KLHL4: variants seen among roughly 807,000 people sequenced by gnomAD.
KLHL4 encodes the protein kelch-like protein 4.
KLHL4 carries 17 observed loss-of-function variants against 45.8 expected under a neutral mutation model. The ratio of observed to expected loss-of-function variants is 0.37; its 90% CI spans 0.25 to 0.56. The LOEUF is 0.56. KLHL4 is among the 20% of genes least tolerant of loss of function. KLHL4 has a pLI of 0.79. For missense variants in KLHL4, 544 were observed against 544.9 expected, an observed-to-expected ratio of 1.00 and a Z score of 0.02; for synonymous variants, 224 against 189.9, an observed-to-expected ratio of 1.18 and a Z score of -1.47.
chrX:87,661,840 CT>C (rs1924199994), intron 9 of KLHL4, among the ~76,000 whole-genome samples: 1 of 111,666 alleles, frequency 9.0e-6, no homozygotes, highest in Non-Finnish European at 1.9e-5. Flanking sequence ...TCAGATAGAT[CT>C]GAGTTCAAAC....
chrX:87,652,238 C>A (rs1213357550), intron 9 of KLHL4, among the ~76,000 whole-genome samples: 1 of 112,407 alleles, frequency 8.9e-6, no homozygotes, highest in Non-Finnish European at 1.9e-5. Context: ...ATGGGAGGGG[C>A]TGCAATGAAG....
intron 9 of KLHL4, among the ~76,000 whole-genome samples, chrX:87,656,543 C>CT (rs1359897490): frequency 3.8e-5 from 4 of 105,861 alleles, no homozygotes; most frequent in Non-Finnish European, 5.8e-5. Context: ...CTTTTTTTTT[C>CT]TTTTTTTAAA....
chrX:87,531,056 C>T (rs1465632873), intron 1 of KLHL4, among the ~76,000 whole-genome samples: 30 of 112,144 alleles, frequency 2.7e-4, no homozygotes, highest in Non-Finnish European at 4.7e-4. Flanking sequence ...CCTTTGGCTG[C>T]ATAAATGTCT....
intron 1 of KLHL4, among the ~76,000 whole-genome samples, chrX:87,570,280 A>C (rs763139438): frequency 9.0e-6 from 1 of 111,385 alleles, no homozygotes; most frequent in Non-Finnish European, 1.9e-5. Context: ...ACAATGTTTT[A>C]ATCTTTATAT....
At position 87,625,599 on chromosome X, in the gene KLHL4, C is replaced by A. The variant is rs1232228552; in HGVS notation, c.1138-11C>A. 8.4e-7 allele frequency: 1 copy of A among 1,184,773 alleles called. No homozygotes were observed. Among genetic ancestry groups the A allele is most frequent in the Non-Finnish European group, 1.1e-6 (1 of 877,509 alleles). ...CTCTCCATTCATATACCATGCATCACTACTTTTCAGTTACTGGCAGATCTT... is the reference window on the plus strand; with the variant it reads ...CTCTCCATTCATATACCATGCATCAATACTTTTCAGTTACTGGCAGATCTT... On this transcript the variant is annotated splice_polypyrimidine_tract_variant and intron_variant, in intron 5 of 10. Coordinates refer to ENST00000373119, the MANE Select transcript of KLHL4 (RefSeq NM_019117.5).
chrX:87,545,403 T>G (rs907730899), intron 1 of KLHL4, among the ~76,000 whole-genome samples: 1 of 111,129 alleles, frequency 9.0e-6, no homozygotes, highest in Non-Finnish European at 1.9e-5. Flanking sequence ...TTTCATGAGA[T>G]CTGATGGTTT....
intron 1 of KLHL4, among the ~76,000 whole-genome samples, chrX:87,521,950 G>A (rs1056027880): frequency 1.8e-5 from 2 of 112,557 alleles, no homozygotes; most frequent in Non-Finnish European, 3.7e-5. Flanking sequence ...TTCAGCCAGC[G>A]TGGCACATGC....
chrX:87,655,515 C>G (rs1268835385), intron 9 of KLHL4, among the ~76,000 whole-genome samples: 1 of 111,468 alleles, frequency 9.0e-6, no homozygotes, highest in Admixed American at 9.6e-5. Flanking sequence ...CTCTGGCTTG[C>G]TTTTGTTTTC....
At chrX:87,664,531 A>C (rs1011185053) in intron 9 of KLHL4, among the ~76,000 whole-genome samples, 16 of 112,036 alleles carry the variant, frequency 1.4e-4, no homozygotes, top group African/African-American at 5.2e-4. Context: ...TGATTAATGA[A>C]GTGCATGGTA....
intron 1 of KLHL4, among the ~76,000 whole-genome samples, chrX:87,594,031 T>G (rs1438666271): frequency 1.8e-5 from 2 of 111,824 alleles, no homozygotes; most frequent in Non-Finnish European, 3.8e-5. Context: ...AATTGCTTTT[T>G]AATTCTCTGA....
Position 87,541,477 on chromosome X carries a change from AGAG to A in KLHL4, c.422+23163_422+23165del, listed in dbSNP as rs1453141406. The stretch of plus-strand genomic sequence containing the variant: ...CTGCACTCCAGCCTGGGTGACAGAG[AGAG>A]ACTCCATCTCACAAAAAAAAAAAAA... On this transcript the variant is annotated intron_variant, in intron 1 of 10. Coordinates refer to ENST00000373119, the MANE Select transcript of KLHL4 (RefSeq NM_019117.5). Among the ~76,000 whole-genome samples the A allele has an allele frequency of 5.6e-3, 294 of 52,505 alleles. 1 individual carries two copies. Among genetic ancestry groups the A allele is most frequent in the African/African-American group, 0.024 (288 of 11,940 alleles). The allele number at this position is 52,505 out of a possible 115,157, so 45.6% of individuals were successfully genotyped here.
chrX:87,584,209 G>A (rs561784700), intron 1 of KLHL4, among the ~76,000 whole-genome samples: 2 of 111,517 alleles, frequency 1.8e-5, no homozygotes, highest in African/African-American at 6.5e-5. Context: ...AAGTCCTTTC[G>A]AATATCTGGA....
chrX:87,631,247 C>A (rs1257212038), intron 6 of KLHL4, among the ~76,000 whole-genome samples: 1 of 111,685 alleles, frequency 9.0e-6, no homozygotes, highest in Non-Finnish European at 1.9e-5. Context: ...GTTGGAAATG[C>A]CTGCCCCCAA....
At chrX:87,649,587 A>G (rs1260482331) in intron 9 of KLHL4, among the ~76,000 whole-genome samples, 1 of 111,703 alleles carries the variant, frequency 9.0e-6, no homozygotes, top group Non-Finnish European at 1.9e-5. Flanking sequence ...CCAAGAAATG[A>G]TTGTCAAATA....
chrX:87,596,858 C>T (rs1016184333), intron 1 of KLHL4, among the ~76,000 whole-genome samples: 1 of 112,130 alleles, frequency 8.9e-6, no homozygotes, highest in Non-Finnish European at 1.9e-5. Context: ...ATATGCCAGG[C>T]GTTATAAACA....
chrX:87,600,353 G>A (rs1296631447), intron 1 of KLHL4, among the ~76,000 whole-genome samples: 1 of 110,530 alleles, frequency 9.0e-6, no homozygotes, highest in Non-Finnish European at 1.9e-5. Flanking sequence ...GCGTGGTGGC[G>A]GGCACCTGTA....
intron 3 of KLHL4, among the ~76,000 whole-genome samples, chrX:87,615,021 T>A (rs1812801743): frequency 9.0e-6 from 1 of 111,168 alleles, no homozygotes; most frequent in South Asian, 3.7e-4. Context: ...AACAATGAAT[T>A]TGGGGACTAA....
At chrX:87,658,903 G>C (rs1471292959) in intron 9 of KLHL4, among the ~76,000 whole-genome samples, 1 of 110,513 alleles carries the variant, frequency 9.0e-6, no homozygotes, top group Non-Finnish European at 1.9e-5. Context: ...TACTCTTCTT[G>C]CTTACAATAC....
At chrX:87,523,830 G>T (rs1462904987) in intron 1 of KLHL4, among the ~76,000 whole-genome samples, 1 of 110,702 alleles carries the variant, frequency 9.0e-6, no homozygotes, top group Non-Finnish European at 1.9e-5. Context: ...AGACGTGGTG[G>T]CAGGCACCTG....
Sources: gnomAD v4.1 joint callset for allele counts (sites outside exome capture counted in the v4.1 genomes callset) on GRCh38, gnomAD v4.1.1 for gene constraint, MANE v1.5 for transcripts, NCBI Gene and HGNC (gene_info 2026-07-23, HGNC 2026-07-21) for gene names.